The following MRTFB variants were observed in gnomAD, a reference collection of about 807,000 sequenced individuals.
The protein encoded by MRTFB is myocardin-related transcription factor B.
In MRTFB, 29 loss-of-function variants were observed where a neutral mutation model predicts 104.2. The observed-to-expected ratio is 0.28, with a 90% CI of 0.21 to 0.38. The LOEUF is 0.38. Among genes scored for constraint, MRTFB ranks in the 10% least tolerant of loss-of-function variants. The pLI is 1.00. For synonymous variants in MRTFB, 535 were observed against 519.5 expected (o/e 1.03, Z -0.41); for missense variants, 1,270 against 1,341.6 (o/e 0.95, Z 0.83).
At chr16:14,053,113 A>G in the MRTFB span, among the ~76,000 whole-genome samples, 2 of 151,790 alleles carry the variant, frequency 1.3e-5, no homozygotes, top group Non-Finnish European at 1.5e-5. Flanking sequence ...TTTTTTAGAG[A>G]TGGGGTCTCA....
the MRTFB span, among the ~76,000 whole-genome samples, chr16:14,004,185 C>G: frequency 6.6e-6 from 1 of 152,156 alleles, no homozygotes; most frequent in Non-Finnish European, 1.5e-5. Context: ...GGACCTTCAT[C>G]CAGTGGATGG....
At chr16:14,002,765 T>C in the MRTFB span, among the ~76,000 whole-genome samples, 1 of 152,190 alleles carries the variant, frequency 6.6e-6, no homozygotes, top group African/African-American at 2.4e-5. Flanking sequence ...TAATTACGTA[T>C]GCATTTCCAG....
At chr16:14,045,001 C>A in the MRTFB span, among the ~76,000 whole-genome samples, 1 of 152,114 alleles carries the variant, frequency 6.6e-6, no homozygotes, top group Non-Finnish European at 1.5e-5. Context: ...CTTTCTGGTG[C>A]CAAATTTCAT....
chr16:14,185,677 A>G (rs1597186467), intron 3 of MRTFB, among the ~76,000 whole-genome samples: 1 of 140,892 alleles, frequency 7.1e-6, no homozygotes, highest in African/African-American at 2.7e-5. Context: ...AGTTATTTTG[A>G]AAAAAAAAAA....
At chr16:14,156,812 T>A (rs2038845901) in intron 3 of MRTFB, among the ~76,000 whole-genome samples, 1 of 152,228 alleles carries the variant, frequency 6.6e-6, no homozygotes, top group South Asian at 2.1e-4. Context: ...AAGAGACAAC[T>A]AAAGACTGTA....
At chr16:14,060,869 G>A in the MRTFB span, among the ~76,000 whole-genome samples, 5 of 152,074 alleles carry the variant, frequency 3.3e-5, no homozygotes, top group East Asian at 5.8e-4. Flanking sequence ...AAGTTTGGCC[G>A]GGCGCGGTGG....
At chr16:14,028,206 C>CAACACAACAAAACAAAACAAAACAA in the MRTFB span, among the ~76,000 whole-genome samples, 23 of 151,196 alleles carry the variant, frequency 1.5e-4, no homozygotes, top group East Asian at 5.8e-4. Flanking sequence ...AAACACAACA[C>CAACACAACAAAACAAAACAAAACAA]AACAAAACAA....
intron 8 of MRTFB, among the ~76,000 whole-genome samples, chr16:14,221,894 G>A (rs1420644200): frequency 2.0e-5 from 3 of 147,022 alleles, no homozygotes; most frequent in African/African-American, 7.5e-5. Flanking sequence ...CGATTCTCCC[G>A]CTTCAGCCTC....
chr16:14,080,707 G>T (rs2034346981), intron 2 of MRTFB, among the ~76,000 whole-genome samples: 1 of 151,764 alleles, frequency 6.6e-6, no homozygotes, highest in Non-Finnish European at 1.5e-5. Context: ...CTCTCTTCTT[G>T]TATGAGATCA....
intron 3 of MRTFB, among the ~76,000 whole-genome samples, chr16:14,201,328 A>G (rs145818230): frequency 3.3e-5 from 5 of 152,346 alleles, no homozygotes; most frequent in Non-Finnish European, 5.9e-5. Context: ...TCCATAGAAC[A>G]TAGGAGGATG....
At chr16:14,115,319 A>G (rs902921729) in intron 2 of MRTFB, among the ~76,000 whole-genome samples, 7 of 152,178 alleles carry the variant, frequency 4.6e-5, no homozygotes, top group South Asian at 2.1e-4. Context: ...CCCAAATCCT[A>G]CTACTTCAAG....
intron 3 of MRTFB, among the ~76,000 whole-genome samples, chr16:14,198,524 A>T (rs1597224784): frequency 1.3e-5 from 2 of 152,136 alleles, no homozygotes; most frequent in Admixed American, 1.3e-4. Flanking sequence ...CAGTTTCCTG[A>T]TTTCTCTCCC....
the MRTFB span, among the ~76,000 whole-genome samples, chr16:14,062,431 C>G: frequency 4.1e-4 from 62 of 152,250 alleles, no homozygotes; most frequent in Non-Finnish European, 7.3e-4. Context: ...CCATGCATGC[C>G]CTATGTTAAG....
chr16:14,175,854 T>C (rs959182580), intron 3 of MRTFB, among the ~76,000 whole-genome samples: 30 of 152,294 alleles, frequency 2.0e-4, no homozygotes, highest in Middle Eastern at 6.8e-3. Context: ...GGAAAGAATT[T>C]AGACTCAAAA....
the MRTFB span, among the ~76,000 whole-genome samples, chr16:14,042,153 T>C: frequency 6.6e-6 from 1 of 152,058 alleles, no homozygotes; most frequent in Non-Finnish European, 1.5e-5. Flanking sequence ...GAGATGGAGT[T>C]GTGCTCTTGT....
At chr16:14,191,315 A>G (rs1314526167) in intron 3 of MRTFB, among the ~76,000 whole-genome samples, 1 of 152,188 alleles carries the variant, frequency 6.6e-6, no homozygotes, top group Non-Finnish European at 1.5e-5. Flanking sequence ...GGACAACGCT[A>G]CTCAGTGCTT....
chr16:14,031,405 AAAG>A, the MRTFB span, among the ~76,000 whole-genome samples: 1 of 152,090 alleles, frequency 6.6e-6, no homozygotes, highest in Non-Finnish European at 1.5e-5. Context: ...AAAAAAAAAA[AAAG>A]AATAGGTCAA....
chr16:14,071,238 G>A (rs376444780), upstream of MRTFB: 1 of 153,302 alleles, frequency 6.5e-6, no homozygotes, highest in South Asian at 1.8e-4. Flanking sequence ...AGCGTCCGGG[G>A]AGCGCGCCGA....
chr16:14,218,220 G>T (rs567379115), intron 7 of MRTFB, among the ~76,000 whole-genome samples: 1 of 151,964 alleles, frequency 6.6e-6, no homozygotes, highest in East Asian at 1.9e-4. Flanking sequence ...CCACATGCCC[G>T]GCTAATTTTT....
Sources: gnomAD v4.1 joint callset for allele counts (sites outside exome capture counted in the v4.1 genomes callset) on GRCh38, gnomAD v4.1.1 for gene constraint, MANE v1.5 for transcripts, NCBI Gene and HGNC (gene_info 2026-07-23, HGNC 2026-07-21) for gene names.